Variants in RORB observed in about 807,000 individuals in gnomAD.
RORB encodes RAR related orphan receptor B.
A neutral mutation model predicts 59.1 loss-of-function variants in RORB; 6 were observed. That is an observed-to-expected ratio of 0.10 (90% CI 0.06 to 0.20). The LOEUF (loss-of-function observed/expected upper bound fraction) is 0.20, where lower values mean the gene tolerates loss of function less well. Among genes scored for constraint, RORB ranks in the 10% least tolerant of loss-of-function variants. The probability of loss-of-function intolerance (pLI) is 1.00; values close to 1 mark genes in which losing one functional copy is unlikely to be tolerated. For synonymous variants in RORB, 215 were observed against 204.5 expected (o/e 1.05, Z -0.44); for missense variants, 320 against 560.5 (o/e 0.57, Z 4.33).
intron 3 of RORB, among the ~76,000 whole-genome samples, chr9:74,636,828 C>T (rs1433258921): frequency 2.6e-5 from 4 of 152,224 alleles, no homozygotes; most frequent in Middle Eastern, 3.4e-3. Context: ...AAATGATTCT[C>T]TCTAAGAGAA....
At chr9:74,531,708 A>G (rs2118098764) in intron 1 of RORB, among the ~76,000 whole-genome samples, 1 of 152,132 alleles carries the variant, frequency 6.6e-6, no homozygotes, top group South Asian at 2.1e-4. Context: ...ACATTTTTTA[A>G]TGATATCTTC....
intron 1 of RORB, among the ~76,000 whole-genome samples, chr9:74,625,438 A>G (rs773806304): frequency 4.9e-4 from 75 of 152,288 alleles, no homozygotes; most frequent in Non-Finnish European, 8.8e-4. Flanking sequence ...ACATAGCAAG[A>G]GTCTGTCCCT....
chr9:74,601,725 C>A (rs955755396), intron 1 of RORB, among the ~76,000 whole-genome samples: 23 of 152,046 alleles, frequency 1.5e-4, no homozygotes, highest in African/African-American at 5.3e-4. Context: ...TAATAGAGAC[C>A]TTCTGATTAA....
chr9:74,562,162 C>T (rs1822405056), intron 1 of RORB, among the ~76,000 whole-genome samples: 1 of 152,094 alleles, frequency 6.6e-6, no homozygotes, highest in African/African-American at 2.4e-5. Context: ...TACCCTTGAA[C>T]CCTTGAAAAC....
intron 1 of RORB, among the ~76,000 whole-genome samples, chr9:74,598,277 C>G (rs1174321375): frequency 6.6e-6 from 1 of 152,078 alleles, no homozygotes; most frequent in African/African-American, 2.4e-5. Context: ...CCTAGACAAT[C>G]TACTAGGAGA....
At chr9:74,669,881 T>A (rs1040025956) in intron 8 of RORB, among the ~76,000 whole-genome samples, 2 of 152,346 alleles carry the variant, frequency 1.3e-5, no homozygotes, top group Middle Eastern at 3.4e-3. Context: ...ATAACACCAA[T>A]GTCTACAGTT....
chr9:74,521,065 G>C (rs1301414141), intron 1 of RORB, among the ~76,000 whole-genome samples: 1 of 151,734 alleles, frequency 6.6e-6, no homozygotes, highest in Non-Finnish European at 1.5e-5. Context: ...GCATCTTCCT[G>C]GTCTCTAAAT....
rs890167106 is a variant in RORB at position 74,612,571 on chromosome 9, A to G, written c.8-17711A>G. ...TGCCCTTTGTTTCTAGGCGACAAGCATACTCTGTGCTATTAATTCTCCTTT... is the reference window on the plus strand; with the variant it reads ...TGCCCTTTGTTTCTAGGCGACAAGCGTACTCTGTGCTATTAATTCTCCTTT... On this transcript the variant is annotated intron_variant, in intron 1 of 9. Coordinates refer to ENST00000376896, the MANE Select transcript of RORB (RefSeq NM_006914.4). Among the ~76,000 whole-genome samples, 5 of 152,184 alleles carry G rather than the reference A, an allele frequency of 3.3e-5. No homozygotes were observed. In the East Asian group the frequency reaches 7.7e-4, roughly 23 times the overall value.
At chr9:74,596,205 G>A (rs960118650) in intron 1 of RORB, among the ~76,000 whole-genome samples, 5 of 152,080 alleles carry the variant, frequency 3.3e-5, no homozygotes, top group African/African-American at 9.7e-5. Flanking sequence ...AGAAGTACAG[G>A]AAATCATGGT....
At chr9:74,650,763 T>G (rs1823977577) in intron 4 of RORB, among the ~76,000 whole-genome samples, 1 of 152,170 alleles carries the variant, frequency 6.6e-6, no homozygotes, top group Non-Finnish European at 1.5e-5. Context: ...AACCACTATT[T>G]TAAAGCTTTA....
chr9:74,550,201 T>C (rs1826585816), intron 1 of RORB, among the ~76,000 whole-genome samples: 1 of 152,224 alleles, frequency 6.6e-6, no homozygotes, highest in South Asian at 2.1e-4. Context: ...TTTTAATCTC[T>C]GGCATTTTTT....
At chr9:74,679,337 ACT>A (rs1824503252) in intron 9 of RORB, among the ~76,000 whole-genome samples, 1 of 152,210 alleles carries the variant, frequency 6.6e-6, no homozygotes, top group Non-Finnish European at 1.5e-5. Flanking sequence ...ATAAGTATGT[ACT>A]TCACTGAATT....
At chr9:74,599,188 A>T (rs1417163812) in intron 1 of RORB, among the ~76,000 whole-genome samples, 2 of 152,068 alleles carry the variant, frequency 1.3e-5, no homozygotes, top group Non-Finnish European at 2.9e-5. Flanking sequence ...ATATTTCCCC[A>T]TTCTCCTCAC....
chr9:74,660,575 A>G (rs756057990), intron 4 of RORB, 42 bp from the exon 5 acceptor site: 2 of 1,578,558 alleles, frequency 1.3e-6, no homozygotes, highest in East Asian at 4.5e-5. Context: ...TGAGCAGAGT[A>G]ATTTTATTCA....
Position 74,642,776 on chromosome 9 carries a change from A to G in RORB, c.598A>G (p.Asn200Asp). 2 of 1,608,748 alleles carry G rather than the reference A, an allele frequency of 1.2e-6. No homozygotes were observed. The highest frequency in any genetic ancestry group is 2.2e-5 in the South Asian group (2 of 90,796). The part of the protein sequence containing the change: ...PNLFTYSSFN[N>D]GQLAPGITMT... Reference sequence around the variant, plus strand: ...CTTGTTTACCTATAGCTCTTTCAACAATGGGCAGTTAGCACCAGGGATAAC... The same window carrying G: ...CTTGTTTACCTATAGCTCTTTCAACGATGGGCAGTTAGCACCAGGGATAAC... The change falls in exon 4 of 10, where the codon AAT becomes GAT. Residue 200 changes from asparagine (N) to aspartate (D), a missense_variant. This residue lies in a region of RORB where 134 missense variants were observed against 156.2 expected (regional missense o/e 0.86). Transcript: ENST00000376896.
intron 9 of RORB, among the ~76,000 whole-genome samples, chr9:74,678,174 T>C (rs1382978476): frequency 6.6e-6 from 1 of 152,238 alleles, no homozygotes; most frequent in Non-Finnish European, 1.5e-5. Context: ...TTACATATCT[T>C]GCCTAACGTT....
chr9:74,497,946 T>C lies in RORB; in HGVS notation c.-31T>C. ...GGGGTTCGGGCTGGGAGCAGCTTCA[T>C]GACTACGCGGAGCGGGAGAGCGGCC... On this transcript the variant is annotated 5_prime_UTR_variant, in exon 1 of 10. The change abolishes an upstream ATG in the 5' untranslated region. Coordinates refer to ENST00000376896, the MANE Select transcript of RORB (RefSeq NM_006914.4). 1 of 1,611,540 alleles carries C rather than the reference T, an allele frequency of 6.2e-7. No homozygotes were observed. Among genetic ancestry groups the C allele is most frequent in the Non-Finnish European group, 8.5e-7 (1 of 1,179,142 alleles).
chr9:74,543,341 G>A (rs189683997), intron 1 of RORB, among the ~76,000 whole-genome samples: 43 of 152,340 alleles, frequency 2.8e-4, no homozygotes, highest in South Asian at 1.2e-3. Context: ...ACCCCTTTGA[G>A]GAGGAGCTGC....
intron 1 of RORB, among the ~76,000 whole-genome samples, chr9:74,624,152 T>G (rs1823469627): frequency 6.6e-6 from 1 of 152,184 alleles, no homozygotes; most frequent in South Asian, 2.1e-4. Flanking sequence ...AATTTTTTTC[T>G]TAATCTAACT....
Sources: gnomAD v4.1 joint callset for allele counts (sites outside exome capture counted in the v4.1 genomes callset) on GRCh38, gnomAD v4.1.1 for gene constraint, gnomAD v4.1.1 regional missense constraint, MANE v1.5 for transcripts, NCBI Gene and HGNC (gene_info 2026-07-23, HGNC 2026-07-21) for gene names.